Variants in LST1 observed in about 807,000 individuals in gnomAD.
LST1 encodes leukocyte-specific transcript 1 protein.
Under a neutral mutation model 8.5 loss-of-function variants are expected in LST1, and 9 were observed. That is an observed-to-expected ratio of 1.06 (90% CI 0.64 to 1.85). The LOEUF is 1.85. LST1 is among the 40% of genes most tolerant of loss of function. The probability of loss-of-function intolerance (pLI) is 0.00; values close to 1 mark genes in which losing one functional copy is unlikely to be tolerated. For synonymous variants in LST1, 53 were observed against 50.4 expected (o/e 1.05, Z -0.21); for missense variants, 121 against 117.1 (o/e 1.03, Z -0.16).
rs765820239 is a variant in LST1 at position 31,588,603 on chromosome 6, G to A, written c.221G>A (p.Gly74Asp). ...AGCAGTGAGGGACCTGACCTCAGGG[G>A]CAGAGACAAGAGAGGCACCAAGGAG... ...VPSSEGPDLR[G>D]RDKRGTKEDP... The change falls in exon 5 of 5, where the codon GGC becomes GAC. Residue 74 changes from glycine to aspartate, a missense_variant. Transcript: ENST00000438075. The A allele has an allele frequency of 1.9e-6, 3 of 1,613,042 alleles. No homozygotes were observed. The highest frequency in any genetic ancestry group is 1.7e-6 in the Non-Finnish European group (2 of 1,179,994).
intron 4 of LST1, 144 bp from the exon 5 acceptor site, chr6:31,588,374 A>AG (rs1772206178): frequency 1.6e-5 from 10 of 627,254 alleles, no homozygotes; most frequent in African/African-American, 6.2e-5. Flanking sequence ...CCAAAGAAAA[A>AG]AGAGAGAGAG....
At position 31,587,410 on chromosome 6, in the gene LST1, T is replaced by C. The variant is rs1772042056; in HGVS notation, c.19+92T>C. 47 of 1,436,166 alleles carry C rather than the reference T, an allele frequency of 3.3e-5. 1 individual carries two copies. The South Asian group carries it at 4.8e-4, about 15-fold the overall frequency. The allele number at this position is 1,436,166 out of a possible 1,614,324, so 89.0% of individuals were successfully genotyped here. On this transcript the variant is annotated intron_variant, in intron 2 of 4. Transcript: ENST00000438075. ...GTGATGTATGCAGCTCATGACTAGGTGGACAGGCCTCTGGGGACAGCTGGT... is the reference window on the plus strand; with the variant it reads ...GTGATGTATGCAGCTCATGACTAGGCGGACAGGCCTCTGGGGACAGCTGGT...
chr6:31,587,401 A>C, intron 2 of LST1, 83 bp downstream of exon 2: 327 of 1,498,714 alleles, frequency 2.2e-4, no homozygotes, highest in Middle Eastern at 3.4e-4. Context: ...TATGCAGCTC[A>C]TGACTAGGTG....
rs746861580 is a variant in LST1, at chr6:31,588,756, C to G, written c.*80C>G. ...CAGCCAGTAAAAACCATGGTCCCCC[C>G]ACTTCTGTGTCTCAGTCCTCTCAGT... On this transcript the variant is annotated 3_prime_UTR_variant, in exon 5 of 5. Coordinates refer to ENST00000438075, the MANE Select transcript of LST1 (RefSeq NM_205839.3). The G allele has an allele frequency of 6.8e-7, 1 of 1,471,874 alleles. No individual in the cohort carries two copies. Among genetic ancestry groups the G allele is most frequent in the African/African-American group, 1.4e-5 (1 of 72,128 alleles). The allele number at this position is 1,471,874 out of a possible 1,614,324, so 91.2% of individuals were successfully genotyped here.
At chr6:31,588,008 T>C in intron 4 of LST1, 42 bp downstream of exon 4, 1 of 1,563,648 alleles carries the variant, frequency 6.4e-7, no homozygotes, top group Non-Finnish European at 8.7e-7. Context: ...AGAGAGATCC[T>C]GAGTGGGTGA....
At chr6:31,587,781 C>T (rs1165840041) in intron 3 of LST1, 48 bp downstream of exon 3, 1 of 1,498,810 alleles carries the variant, frequency 6.7e-7, no homozygotes, top group East Asian at 2.4e-5. Context: ...CCCCCTGTGC[C>T]CCCACCCCCA....
At chr6:31,588,375 AG>A in intron 4 of LST1, 142 bp from the exon 5 acceptor site, 8 of 275,560 alleles carry the variant, frequency 2.9e-5, no homozygotes, top group Non-Finnish European at 5.3e-5. Flanking sequence ...CAAAGAAAAA[AG>A]AGAGAGAGAG....
intron 4 of LST1, 135 bp from the exon 5 acceptor site, chr6:31,588,383 A>AGG (rs1379981813): frequency 2.5e-6 from 2 of 808,368 alleles, no homozygotes; most frequent in Admixed American, 5.3e-5. Context: ...AAAGAGAGAG[A>AGG]GAGAGAGAGA....
At chr6:31,588,376 G>GAGAA (rs1275871627) in intron 4 of LST1, 142 bp from the exon 5 acceptor site, 50 of 317,264 alleles carry the variant, frequency 1.6e-4, no homozygotes, top group Non-Finnish European at 2.4e-4. Context: ...AAAGAAAAAA[G>GAGAA]AGAGAGAGAG....
chr6:31,587,509 A>G (rs1352250790), intron 2 of LST1, 132 bp from the exon 3 acceptor site: 13 of 811,454 alleles, frequency 1.6e-5, no homozygotes, highest in East Asian at 2.5e-5. Flanking sequence ...TGGGATGGAG[A>G]AGCTCTGAGG....
At chr6:31,587,884 C>T (rs754594633) in intron 3 of LST1, 60 bp from the exon 4 acceptor site, 86 of 1,579,552 alleles carry the variant, frequency 5.4e-5, no homozygotes, top group Non-Finnish European at 6.2e-5. Flanking sequence ...GGGGGGAGCC[C>T]GGGAGGGCCC....
intron 3 of LST1, 46 bp from the exon 4 acceptor site, chr6:31,587,898 A>C: frequency 6.3e-7 from 1 of 1,592,266 alleles, no homozygotes; most frequent in Non-Finnish European, 8.6e-7. Flanking sequence ...AGGGCCCGGG[A>C]GAAGCACAAA....
Position 31,587,231 on chromosome 6 carries a change from G to A in LST1, c.-69G>A. The A allele has an allele frequency of 3.8e-6, 4 of 1,039,698 alleles. No individual in the cohort carries two copies. In the East Asian group the frequency reaches 9.5e-5, roughly 25 times the overall value. 64.4% of individuals were successfully genotyped at this position (1,039,698 alleles called of 1,614,324 possible). A position where few individuals can be genotyped will look rare whatever the true frequency, so the allele number is the denominator to read the frequency against. On this transcript the variant is annotated 5_prime_UTR_variant, in exon 2 of 5. The change abolishes the stop of an existing upstream ORF in the 5' untranslated region. Coordinates refer to ENST00000438075, the MANE Select transcript of LST1 (RefSeq NM_205839.3). ...AACTTGAGGCAAGTCACCAGCCCCTGATCATTTCGCCTAAAAGAGCAAGGA... is the reference window on the plus strand; with the variant it reads ...AACTTGAGGCAAGTCACCAGCCCCTAATCATTTCGCCTAAAAGAGCAAGGA...
At chr6:31,588,403 G>GGA (rs71663687) in intron 4 of LST1, 115 bp from the exon 5 acceptor site, 626 of 539,274 alleles carry the variant, frequency 1.2e-3, no homozygotes, top group Admixed American at 3.4e-3. Context: ...AGAGAGAGAG[G>GGA]GAGAGAGAGA....
Position 31,587,315 on chromosome 6 carries a change from GATGGTAAGTA to G in LST1, c.18_19+8del. On this transcript the variant is annotated splice_donor_variant and splice_donor_5th_base_variant and coding_sequence_variant and intron_variant, in exon 2 of 5. Transcript: ENST00000438075. LOFTEE classifies it high-confidence loss of function. ...CCCTGACCTAATGTTATCGCGGAAT[GATGGTAAGTA>G]AAGTGTCTCTTGCATCTGCATAGAG... The G allele has an allele frequency of 1.9e-6, 3 of 1,613,378 alleles. No homozygotes were observed. Among genetic ancestry groups the G allele is most frequent in the Non-Finnish European group, 2.5e-6 (3 of 1,179,306 alleles).
chr6:31,588,753 C>T lies in LST1; in HGVS notation c.*77C>T, dbSNP rs777456356. 4.7e-6 allele frequency: 7 copies of T among 1,504,358 alleles called. No homozygotes were observed. Among genetic ancestry groups the T allele is most frequent in the Non-Finnish European group, 4.6e-6 (5 of 1,081,038 alleles). 93.2% of individuals were successfully genotyped at this position (1,504,358 alleles called of 1,614,324 possible). Reference sequence around the variant, plus strand: ...GTCCAGCCAGTAAAAACCATGGTCCCCCCACTTCTGTGTCTCAGTCCTCTC... The same window carrying T: ...GTCCAGCCAGTAAAAACCATGGTCCTCCCACTTCTGTGTCTCAGTCCTCTC... On this transcript the variant is annotated 3_prime_UTR_variant, in exon 5 of 5. Transcript: ENST00000438075.
intron 4 of LST1, chr6:31,588,224 AAGAGAG>A (rs41266647): frequency 9.6e-5 from 53 of 550,446 alleles, no homozygotes; most frequent in South Asian, 3.0e-4. Flanking sequence ...AGAGCAATGA[AAGAGAG>A]AGAGAGAGAG....
Position 31,587,308 on chromosome 6 carries a change from G to T in LST1, c.9G>T (p.Ser3=), listed in dbSNP as rs149481602. Residue 3 remains serine, a synonymous_variant, in exon 2 of 5, where the codon TCG becomes TCT. Coordinates refer to ENST00000438075, the MANE Select transcript of LST1 (RefSeq NM_205839.3). ...CCCTGATCCCTGACCTAATGTTATC[G>T]CGGAATGATGGTAAGTAAAGTGTCT... The part of the protein sequence containing the change: ML[S]RNDDICIYGG... 5 of 1,612,978 alleles carry T rather than the reference G, an allele frequency of 3.1e-6. No individual in the cohort carries two copies. Among genetic ancestry groups the T allele is most frequent in the Non-Finnish European group, 4.2e-6 (5 of 1,178,992 alleles).
chr6:31,587,515 T>G, intron 2 of LST1, 126 bp from the exon 3 acceptor site: 1 of 802,922 alleles, frequency 1.2e-6, no homozygotes, highest in Non-Finnish European at 2.0e-6. Context: ...GGAGAAGCTC[T>G]GAGGGTATAT....
Sources: gnomAD v4.1 joint callset for allele counts on GRCh38, gnomAD v4.1.1 for gene constraint, MANE v1.5 for transcripts, NCBI Gene and HGNC (gene_info 2026-07-23, HGNC 2026-07-21) for gene names.